The following DHRS7 variants were observed in gnomAD, a reference collection of about 807,000 sequenced individuals.
DHRS7 encodes the protein dehydrogenase/reductase 7.
In DHRS7, 34 loss-of-function variants were observed where a neutral mutation model predicts 38.9. That is an observed-to-expected ratio of 0.87 (90% CI 0.66 to 1.16). The LOEUF (loss-of-function observed/expected upper bound fraction) is 1.16, where lower values mean the gene tolerates loss of function less well. Ranked by LOEUF, DHRS7 falls within the 50% of genes most tolerant of loss-of-function variation. The probability of loss-of-function intolerance (pLI) is 0.00; values close to 1 mark genes in which losing one functional copy is unlikely to be tolerated. For synonymous variants in DHRS7, 158 were observed against 153.1 expected, an observed-to-expected ratio of 1.03 and a Z score of -0.24; for missense variants, 421 against 407.0, an observed-to-expected ratio of 1.03 and a Z score of -0.30.
chr14:60,160,739 A>T (rs1306965087), intron 1 of DHRS7, among the ~76,000 whole-genome samples: 2 of 151,910 alleles, frequency 1.3e-5, no homozygotes, highest in African/African-American at 4.8e-5. Flanking sequence ...GTGTACCATC[A>T]TGCCCGGCTA....
At position 60,152,946 on chromosome 14, in the gene DHRS7, G is replaced by T; in HGVS notation, c.626C>A (p.Ala209Asp). The change falls in exon 4 of 7, where the codon GCT (alanine) becomes GAT (aspartate). Residue 209 changes from alanine (A) to aspartate (D), a missense_variant. Physicochemically the swap from Ala to Asp is moderately radical, Grantham distance 126. Transcript: ENST00000557185. ...GAGTTTGAGCAGCCTTACCCGGAGA[G>T]CATGCTTGCTAGCACAGTATCCAAT... is the stretch of plus-strand genomic sequence containing the variant. Reference protein sequence around the residue: ...LSIGYCASKHALRGFFNGLRT... With the variant: ...LSIGYCASKHDLRGFFNGLRT... 6.2e-7 allele frequency: 1 copy of T among 1,614,046 alleles called. No homozygotes were observed.
intron 1 of DHRS7, chr14:60,158,930 C>T (rs1896709633): frequency 1.2e-5 from 3 of 244,128 alleles, no homozygotes; most frequent in South Asian, 5.1e-5. Context: ...AGTAATCCTG[C>T]CTTGTGGTTT....
Position 60,155,939 on chromosome 14 carries a change from G to T in DHRS7, c.286+61C>A, listed in dbSNP as rs1041370461. On this transcript the variant is annotated intron_variant, in intron 2 of 6. Coordinates refer to ENST00000557185, the MANE Select transcript of DHRS7 (RefSeq NM_016029.4). ...ACTCCTCTCTAAAAGTCCCAAAACT[G>T]TATTTGAGTTTGGACTGATTTATTT... The T allele has an allele frequency of 3.6e-6, 5 of 1,380,146 alleles. No homozygotes were observed. In the Admixed American group the frequency reaches 1.4e-4, roughly 39 times the overall value. 85.5% of individuals were successfully genotyped at this position (1,380,146 alleles called of 1,614,324 possible). A position where few individuals can be genotyped will look rare whatever the true frequency, so the allele number is the denominator to read the frequency against.
At chr14:60,149,302 C>T in intron 6 of DHRS7, 51 bp downstream of exon 6, 3 of 1,565,784 alleles carry the variant, frequency 1.9e-6, no homozygotes, top group East Asian at 2.2e-5. Context: ...AATTCTGTAC[C>T]TTCCTGCAAG....
At position 60,145,105 on chromosome 14, in the gene DHRS7, CATT is replaced by C. The variant is rs1896365613; in HGVS notation, c.973-95_973-93del. 1 of 813,012 alleles carries C rather than the reference CATT, an allele frequency of 1.2e-6. No individual in the cohort carries two copies. Among genetic ancestry groups the C allele is most frequent in the Non-Finnish European group, 1.8e-6 (1 of 542,748 alleles). The allele number at this position is 813,012 out of a possible 1,614,324, so 50.4% of individuals were successfully genotyped here. A position where few individuals can be genotyped will look rare whatever the true frequency, so the allele number is the denominator to read the frequency against. ...GTCCTTCTGTTTTGAGGAGCTGTAT[CATT>C]ATGATTCACTATTAAGAATCTTTAC... On this transcript the variant is annotated intron_variant, in intron 6 of 6. Transcript: ENST00000557185. This position sits in a 1 kb window ranked among gnomAD's most constrained non-coding sequence, Gnocchi z 4.0.
Position 60,146,946 on chromosome 14 carries a change from A to G in DHRS7, c.973-1933T>C, listed in dbSNP as rs1039875694. 1 of 152,200 alleles carries G rather than the reference A, an allele frequency of 6.6e-6. No individual in the cohort carries two copies. Among genetic ancestry groups the G allele is most frequent in the Non-Finnish European group, 1.5e-5 (1 of 68,056 alleles). The allele number at this position is 152,200 out of a possible 1,614,324, so 9.4% of individuals were successfully genotyped here. ...GGGAGATCTTGGTCAAAAGGTACAC[A>G]TTTTGGCCAGGCACAGTGGCTCACA... On this transcript the variant is annotated intron_variant, in intron 6 of 6. Coordinates refer to ENST00000557185, the MANE Select transcript of DHRS7 (RefSeq NM_016029.4). This position sits in a 1 kb window ranked among gnomAD's most constrained non-coding sequence, Gnocchi z 4.9.
chr14:60,147,498 T>C (rs549070785), intron 6 of DHRS7: 2 of 152,282 alleles, frequency 1.3e-5, no homozygotes, highest in South Asian at 4.1e-4. Context: ...TAAATATATA[T>C]AATTTTTATG....
chr14:60,163,590 G>A (rs1268951133), intron 1 of DHRS7, among the ~76,000 whole-genome samples: 8 of 151,934 alleles, frequency 5.3e-5, no homozygotes, highest in African/African-American at 1.2e-4. Flanking sequence ...GTTCTTTTCC[G>A]ACAAAACACA....
rs1180370379 is a variant in DHRS7, at chr14:60,146,005, A to G, written c.973-992T>C. On this transcript the variant is annotated intron_variant, in intron 6 of 6. Transcript: ENST00000557185. The surrounding 1 kb of genome is among the most constrained non-coding windows in gnomAD (Gnocchi z 4.9). ...ATTTTCTTAACTTAGACGCTTATCA[A>G]TAAGAAAATTTATATATATACATAT... 1 of 149,838 alleles carries G rather than the reference A, an allele frequency of 6.7e-6. No homozygotes were observed. Among genetic ancestry groups the G allele is most frequent in the East Asian group, 1.9e-4 (1 of 5,162 alleles). The allele number at this position is 149,838 out of a possible 1,614,324, so 9.3% of individuals were successfully genotyped here. A position where few individuals can be genotyped will look rare whatever the true frequency, so the allele number is the denominator to read the frequency against.
In DHRS7 at chr14:60,165,028, C is replaced by T. The variant is rs896891980; in HGVS notation, c.133+149G>A. 21 of 990,480 alleles carry T rather than the reference C, an allele frequency of 2.1e-5. No individual in the cohort carries two copies. Among genetic ancestry groups the T allele is most frequent in the Non-Finnish European group, 3.1e-5 (21 of 675,288 alleles). The allele number at this position is 990,480 out of a possible 1,614,324, so 61.4% of individuals were successfully genotyped here. A position where few individuals can be genotyped will look rare whatever the true frequency, so the allele number is the denominator to read the frequency against. On this transcript the variant is annotated intron_variant, in intron 1 of 6. Transcript: ENST00000557185. The surrounding 1 kb of genome is among the most constrained non-coding windows in gnomAD (Gnocchi z 4.6). Reference sequence around the variant, plus strand: ...TCGCCTCTTCCTCCCCAACCCGCAGCCCCTGCGTAAGGGGCAGCCGGGCCT... The same window carrying T: ...TCGCCTCTTCCTCCCCAACCCGCAGTCCCTGCGTAAGGGGCAGCCGGGCCT...
upstream of DHRS7, chr14:60,166,168 T>C (rs1896864856): frequency 1.1e-6 from 1 of 952,216 alleles, no homozygotes; most frequent in African/African-American, 1.8e-5. Context: ...GAAATGACCT[T>C]CAAAACATTT....
intron 1 of DHRS7, chr14:60,159,130 G>A (rs1006119257): frequency 2.4e-6 from 1 of 409,374 alleles, no homozygotes; most frequent in Non-Finnish European, 4.9e-6. Flanking sequence ...ATTTGGAATT[G>A]GAGGGAAAAA....
chr14:60,169,454 C>T (rs558234557), upstream of DHRS7, among the ~76,000 whole-genome samples: 2 of 152,358 alleles, frequency 1.3e-5, no homozygotes, highest in South Asian at 4.1e-4. Flanking sequence ...GCAGCTTCTA[C>T]CTCTTGCTCT....
chr14:60,153,078 C>A lies in DHRS7; in HGVS notation c.494G>T (p.Gly165Val). Residue 165 changes from glycine to valine, a missense_variant, in exon 4 of 7, where the codon GGG (glycine) becomes GTG (valine). Physicochemically the swap from Gly to Val is moderately radical, Grantham distance 109 (BLOSUM62 -3). Transcript: ENST00000557185. The surrounding 1 kb of genome is among the most constrained non-coding windows in gnomAD (Gnocchi z 4.4). The stretch of plus-strand genomic sequence containing the variant: ...AACACATTTTGTCAAGGACACCGTC[C>A]CTAAGTAGTTAAGCTCTATTAGCTT... ...YRKLIELNYLGTVSLTKCVLP... is the reference protein window; with the variant it reads ...YRKLIELNYLVTVSLTKCVLP... 3 of 1,614,180 alleles carry A rather than the reference C, an allele frequency of 1.9e-6. No individual in the cohort carries two copies. Among genetic ancestry groups the A allele is most frequent in the Non-Finnish European group, 2.5e-6 (3 of 1,180,028 alleles).
intron 2 of DHRS7, chr14:60,155,779 A>C (rs544295327): frequency 2.8e-5 from 10 of 355,712 alleles, no homozygotes; most frequent in African/African-American, 1.0e-4. Context: ...GTCACTCCCT[A>C]ATGCCAAGAG....
chr14:60,166,112 C>G (rs193211984), upstream of DHRS7: 698 of 584,362 alleles, frequency 1.2e-3, 1 homozygote, highest in Non-Finnish European at 1.4e-3. Flanking sequence ...CTTGCCTACT[C>G]TAATACACAA....
At position 60,146,391 on chromosome 14, in the gene DHRS7, A is replaced by G. The variant is rs1353996465; in HGVS notation, c.973-1378T>C. On this transcript the variant is annotated intron_variant, in intron 6 of 6. Transcript: ENST00000557185. The surrounding 1 kb of genome is among the most constrained non-coding windows in gnomAD (Gnocchi z 4.9). ...GGTCCCTCTTTCCCCTTTGAAAAAA[A>G]AATCACTTCTATAATATATTCTTTC... The G allele has an allele frequency of 6.6e-6, 1 of 152,196 alleles. No individual in the cohort carries two copies. Among genetic ancestry groups the G allele is most frequent in the East Asian group, 1.9e-4 (1 of 5,204 alleles). 9.4% of individuals were successfully genotyped at this position (152,196 alleles called of 1,614,324 possible).
intron 1 of DHRS7, among the ~76,000 whole-genome samples, chr14:60,158,606 C>A (rs551074224): frequency 6.6e-6 from 1 of 152,326 alleles, no homozygotes; most frequent in South Asian, 2.1e-4. Flanking sequence ...CTTCCTCCCA[C>A]CCTGAAGAAA....
chr14:60,157,824 C>G (rs1440784483), intron 1 of DHRS7, among the ~76,000 whole-genome samples: 1 of 151,702 alleles, frequency 6.6e-6, no homozygotes, highest in African/African-American at 2.4e-5. Flanking sequence ...AAAGCCCACA[C>G]TGTCCACTAT....
Sources: allele counts gnomAD v4.1 joint callset (sites outside exome capture counted in the v4.1 genomes callset), GRCh38; gene constraint gnomAD v4.1.1; non-coding constraint Gnocchi (gnomAD v3.1); transcripts MANE v1.5; gene names NCBI Gene and HGNC (gene_info 2026-07-23, HGNC 2026-07-21).